Variants in PRKAR2B observed in about 807,000 individuals in gnomAD.
PRKAR2B encodes the protein protein kinase cAMP-dependent type II regulatory subunit beta.
PRKAR2B carries 14 observed loss-of-function variants against 49.9 expected under a neutral mutation model. That is an observed-to-expected ratio of 0.28 (90% CI 0.19 to 0.44). The LOEUF is 0.44. Among genes scored for constraint, PRKAR2B ranks in the 20% least tolerant of loss-of-function variants. The pLI is 1.00. For missense variants in PRKAR2B, 393 were observed against 537.9 expected (o/e 0.73, Z 2.67); for synonymous variants, 196 against 197.7 (o/e 0.99, Z 0.07).
At chr7:107,154,227 T>C (rs1249363993) in intron 8 of PRKAR2B, among the ~76,000 whole-genome samples, 4 of 152,178 alleles carry the variant, frequency 2.6e-5, no homozygotes, top group Admixed American at 6.6e-5. Flanking sequence ...TTGAAATAAT[T>C]ATAGATTCAC....
intron 1 of PRKAR2B, among the ~76,000 whole-genome samples, chr7:107,047,568 GA>G (rs1221790421): frequency 6.6e-6 from 1 of 151,912 alleles, no homozygotes; most frequent in Non-Finnish European, 1.5e-5. Flanking sequence ...ACCATTGGGG[GA>G]AAAAACAGGA....
intron 2 of PRKAR2B, among the ~76,000 whole-genome samples, chr7:107,088,378 C>G (rs1468650540): frequency 6.6e-6 from 1 of 152,054 alleles, no homozygotes; most frequent in Non-Finnish European, 1.5e-5. Context: ...CAGCCAAGGC[C>G]TGGGAAGTAC....
intron 3 of PRKAR2B, among the ~76,000 whole-genome samples, chr7:107,122,710 C>A (rs1795410338): frequency 6.6e-6 from 1 of 152,126 alleles, no homozygotes; most frequent in Admixed American, 6.6e-5. Context: ...TTTTGTAGCT[C>A]TGAAAAGTAC....
At chr7:107,076,887 C>T (rs569195188) in intron 2 of PRKAR2B, among the ~76,000 whole-genome samples, 36 of 152,130 alleles carry the variant, frequency 2.4e-4, no homozygotes, top group African/African-American at 8.4e-4. Context: ...ATGATTATTC[C>T]CCAAGAAATT....
At chr7:107,148,895 G>A (rs1795938975) in intron 6 of PRKAR2B, among the ~76,000 whole-genome samples, 1 of 152,198 alleles carries the variant, frequency 6.6e-6, no homozygotes, top group Admixed American at 6.5e-5. Flanking sequence ...TGAAATTCTG[G>A]ACTTTATATG....
chr7:107,152,929 C>T (rs1315735231), intron 7 of PRKAR2B, among the ~76,000 whole-genome samples: 1 of 152,184 alleles, frequency 6.6e-6, no homozygotes, highest in African/African-American at 2.4e-5. Flanking sequence ...GCTATCCCAC[C>T]ATAGTTTTAT....
intron 1 of PRKAR2B, among the ~76,000 whole-genome samples, chr7:107,048,552 C>G (rs1793741764): frequency 6.6e-6 from 1 of 152,146 alleles, no homozygotes; most frequent in Non-Finnish European, 1.5e-5. Context: ...AAACGTAGGA[C>G]AAACGTAGGG....
intron 1 of PRKAR2B, among the ~76,000 whole-genome samples, chr7:107,056,859 C>T (rs1793925373): frequency 6.6e-6 from 1 of 152,168 alleles, no homozygotes; most frequent in African/African-American, 2.4e-5. Flanking sequence ...ATTAAAAATA[C>T]AACGTGAGGC....
At chr7:107,146,591 T>G in intron 6 of PRKAR2B, 130 bp downstream of exon 6, 2 of 1,048,356 alleles carry the variant, frequency 1.9e-6, no homozygotes, top group South Asian at 3.3e-5. Flanking sequence ...AAGCAGCCAC[T>G]GAATGCTGAA....
Position 107,045,180 on chromosome 7 carries a change from G to C in PRKAR2B, c.273G>C (p.Glu91Asp). ...MQSDSEDGEE[E>D]EAAPADAGAF... ...CCGACTCCGAGGACGGGGAGGAGGA[G>C]GAGGCGGCGCCCGCGGACGCAGGGG... The change falls in exon 1 of 11, where the codon GAG (glutamate) becomes GAC (aspartate). Residue 91 changes from glutamate (E) to aspartate (D), a missense_variant. Transcript: ENST00000265717. The C allele has an allele frequency of 1.4e-6, 2 of 1,471,512 alleles. No homozygotes were observed. Among genetic ancestry groups the C allele is most frequent in the South Asian group, 1.3e-5 (1 of 75,972 alleles). 91.2% of individuals were successfully genotyped at this position (1,471,512 alleles called of 1,614,324 possible). A position where few individuals can be genotyped will look rare whatever the true frequency, so the allele number is the denominator to read the frequency against.
At chr7:107,063,693 C>G (rs143651501) in intron 1 of PRKAR2B, among the ~76,000 whole-genome samples, 1 of 152,072 alleles carries the variant, frequency 6.6e-6, no homozygotes, top group Non-Finnish European at 1.5e-5. Context: ...TTTCTATAAC[C>G]GTACTCTTAT....
At chr7:107,087,368 A>T (rs1184737471) in intron 2 of PRKAR2B, among the ~76,000 whole-genome samples, 1 of 152,198 alleles carries the variant, frequency 6.6e-6, no homozygotes, top group East Asian at 1.9e-4. Flanking sequence ...CTTGGGTTCC[A>T]TTTTGCATAC....
intron 10 of PRKAR2B, 119 bp downstream of exon 10, chr7:107,157,443 A>G (rs1796113922): frequency 2.3e-6 from 3 of 1,323,868 alleles, no homozygotes; most frequent in Non-Finnish European, 3.0e-6. Flanking sequence ...CACAAAAGGT[A>G]ACAAGATTAG....
At chr7:107,106,024 A>G (rs778602602) in intron 2 of PRKAR2B, among the ~76,000 whole-genome samples, 1 of 152,076 alleles carries the variant, frequency 6.6e-6, no homozygotes, top group African/African-American at 2.4e-5. Context: ...CTTCCTCCTA[A>G]TGTCAGGAGC....
chr7:107,097,488 G>C (rs1794864835), intron 2 of PRKAR2B, among the ~76,000 whole-genome samples: 1 of 152,094 alleles, frequency 6.6e-6, no homozygotes, highest in African/African-American at 2.4e-5. Flanking sequence ...TCTTTTAATT[G>C]GAGCATTTAG....
rs997931933 is a variant in PRKAR2B at position 107,132,527 on chromosome 7, C to A, written c.480+4232C>A. Among the ~76,000 whole-genome samples the A allele has an allele frequency of 5.9e-5, 9 of 152,034 alleles. 1 individual carries two copies. The highest frequency in any genetic ancestry group is 5.2e-4 in the Admixed American group (8 of 15,248). On this transcript the variant is annotated intron_variant, in intron 4 of 10. Transcript: ENST00000265717. ...CATGATCTAGGGAAGAGAAATGGGCCTGAACTCCAGGGAAGGGGGAAAGGG... is the reference window on the plus strand; with the variant it reads ...CATGATCTAGGGAAGAGAAATGGGCATGAACTCCAGGGAAGGGGGAAAGGG...
At chr7:107,109,111 C>T (rs1795127721) in intron 2 of PRKAR2B, among the ~76,000 whole-genome samples, 1 of 152,112 alleles carries the variant, frequency 6.6e-6, no homozygotes, top group Admixed American at 6.5e-5. Context: ...TTCCCAGAAC[C>T]ATGTAAGGTA....
intron 10 of PRKAR2B, among the ~76,000 whole-genome samples, chr7:107,158,525 T>C (rs981939419): frequency 3.9e-5 from 6 of 152,190 alleles, no homozygotes; most frequent in African/African-American, 1.4e-4. Flanking sequence ...AAAATTCTTT[T>C]AGGTAAATAT....
intron 6 of PRKAR2B, among the ~76,000 whole-genome samples, chr7:107,146,895 G>A (rs997277412): frequency 1.3e-5 from 2 of 152,182 alleles, no homozygotes; most frequent in African/African-American, 4.8e-5. Context: ...TGCCCATTCT[G>A]GGGCCCCACC....
Sources: gnomAD v4.1 joint callset for allele counts (sites outside exome capture counted in the v4.1 genomes callset) on GRCh38, gnomAD v4.1.1 for gene constraint, MANE v1.5 for transcripts, NCBI Gene and HGNC (gene_info 2026-07-23, HGNC 2026-07-21) for gene names.